CAMTA1: variants seen among roughly 807,000 people sequenced by gnomAD.
CAMTA1 encodes calmodulin binding transcription activator 1, also known as calmodulin-binding transcription activator 1.
A neutral mutation model predicts 170.9 loss-of-function variants in CAMTA1; 27 were observed. That is an observed-to-expected ratio of 0.16 (90% confidence interval 0.12 to 0.22). The LOEUF is 0.22. CAMTA1 is among the 10% of genes least tolerant of loss of function. CAMTA1 has a pLI of 1.00. For synonymous variants in CAMTA1, 833 were observed against 891.5 expected, an observed-to-expected ratio of 0.93 and a Z score of 1.17; for missense variants, 1,619 against 2,217.2, an observed-to-expected ratio of 0.73 and a Z score of 5.42.
intron 1 of CAMTA1, among the ~76,000 whole-genome samples, chr1:6,786,094 C>T (rs1329124679): frequency 6.6e-6 from 1 of 151,854 alleles, no homozygotes; most frequent in Non-Finnish European, 1.5e-5. Context: ...GCCCCCTGCT[C>T]TCCGGCGGGC....
At position 7,680,807 on chromosome 1, in the gene CAMTA1, G is replaced by GC. The variant is rs200936061; in HGVS notation, c.2914+3076dup. Among the ~76,000 whole-genome samples the GC allele has an allele frequency of 3.1e-5, 3 of 96,220 alleles. No homozygotes were observed. Among genetic ancestry groups the GC allele is most frequent in the African/African-American group, 1.1e-4 (3 of 26,146 alleles). 63.1% of individuals were successfully genotyped at this position (96,220 alleles called of 152,430 possible). On this transcript the variant is annotated intron_variant, in intron 11 of 22. Transcript: ENST00000303635. This position sits in a 1 kb window ranked among gnomAD's most constrained non-coding sequence, Gnocchi z 4.4. ...CATGAATTTGTTTGCTTGGCTAAAGGCCGGGGGGGGGCGTGGGTCCGGGGC... is the reference window on the plus strand; with the variant it reads ...CATGAATTTGTTTGCTTGGCTAAAGGCCCGGGGGGGGGCGTGGGTCCGGGGC...
At chr1:7,525,788 C>G (rs554755368) in intron 6 of CAMTA1, among the ~76,000 whole-genome samples, 3 of 152,142 alleles carry the variant, frequency 2.0e-5, no homozygotes, top group South Asian at 2.1e-4. Context: ...ACTCCTTCCA[C>G]GAGCATCTAC....
At chr1:7,530,224 G>T (rs1027181956) in intron 6 of CAMTA1, among the ~76,000 whole-genome samples, 1 of 152,228 alleles carries the variant, frequency 6.6e-6, no homozygotes, top group Admixed American at 6.5e-5. Context: ...TCAGGCTACA[G>T]CTGGCCCCAG....
chr1:6,992,942 A>G (rs1377316257), intron 3 of CAMTA1, among the ~76,000 whole-genome samples: 4 of 152,256 alleles, frequency 2.6e-5, no homozygotes, highest in East Asian at 1.9e-4. Flanking sequence ...GTTATTTTCC[A>G]TAGTGATGTC....
At chr1:7,477,905 C>A (rs1039036849) in intron 6 of CAMTA1, among the ~76,000 whole-genome samples, 3 of 152,232 alleles carry the variant, frequency 2.0e-5, no homozygotes, top group Admixed American at 6.5e-5. Context: ...GAAAGTCTTC[C>A]TCCTGGCCAC....
At chr1:7,422,128 T>C (rs1313999575) in intron 5 of CAMTA1, among the ~76,000 whole-genome samples, 1 of 151,030 alleles carries the variant, frequency 6.6e-6, no homozygotes, top group African/African-American at 2.4e-5. Flanking sequence ...AGGGGCAGAG[T>C]GGGAGCTGGA....
intron 5 of CAMTA1, among the ~76,000 whole-genome samples, chr1:7,280,430 CT>C (rs1671343391): frequency 1.3e-5 from 2 of 152,210 alleles, no homozygotes; most frequent in Non-Finnish European, 2.9e-5. Flanking sequence ...AGTCTATGAC[CT>C]TAAGAAGAGG....
intron 4 of CAMTA1, among the ~76,000 whole-genome samples, chr1:7,102,023 A>AACACACACACAC (rs57209159): frequency 1.3e-4 from 20 of 148,810 alleles, no homozygotes; most frequent in Non-Finnish European, 2.7e-4. Flanking sequence ...ATAAATACAC[A>AACACACACACAC]ACACACACAC....
At chr1:7,136,246 A>G (rs936597330) in intron 4 of CAMTA1, among the ~76,000 whole-genome samples, 1 of 152,196 alleles carries the variant, frequency 6.6e-6, no homozygotes, top group Non-Finnish European at 1.5e-5. Flanking sequence ...ACAAATCAGA[A>G]GGGAATTTCT....
At chr1:7,129,921 G>T (rs1573306503) in intron 4 of CAMTA1, among the ~76,000 whole-genome samples, 1 of 20,418 alleles carries the variant, frequency 4.9e-5, no homozygotes, top group Non-Finnish European at 1.0e-4. Flanking sequence ...ACCTTCTTTT[G>T]TGTGTGTGTG....
chr1:7,437,134 C>G (rs988458249), intron 5 of CAMTA1, among the ~76,000 whole-genome samples: 13 of 152,272 alleles, frequency 8.5e-5, no homozygotes, highest in Middle Eastern at 6.8e-3. Flanking sequence ...AGCAGAGGCC[C>G]TTCCCAGCCC....
rs1558016535 is a variant in CAMTA1 at position 7,044,409 on chromosome 1, C to T, written c.235-46895C>T. Among the ~76,000 whole-genome samples the T allele has an allele frequency of 6.6e-6, 1 of 152,162 alleles. No individual in the cohort carries two copies. The highest frequency in any genetic ancestry group is 2.4e-5 in the African/African-American group (1 of 41,440). ...AGTACTGCTGGGGACGCCGAGGACG[C>T]AGAGCCGTGCCACTGGGGACCCCGG... On this transcript the variant is annotated intron_variant, in intron 3 of 22. Coordinates refer to ENST00000303635, the MANE Select transcript of CAMTA1 (RefSeq NM_015215.4). This position sits in a 1 kb window ranked among gnomAD's most constrained non-coding sequence, Gnocchi z 5.0.
chr1:7,312,763 A>AT (rs1676928315), intron 5 of CAMTA1, among the ~76,000 whole-genome samples: 1 of 151,448 alleles, frequency 6.6e-6, no homozygotes, highest in African/African-American at 2.4e-5. Flanking sequence ...TTATTTATTT[A>AT]TTTTTTCCAC....
intron 4 of CAMTA1, among the ~76,000 whole-genome samples, chr1:7,179,090 C>A (rs1054530071): frequency 2.6e-5 from 4 of 152,182 alleles, no homozygotes; most frequent in African/African-American, 7.2e-5. Context: ...TCTCTGTGCC[C>A]CTCTGTGGTC....
intron 3 of CAMTA1, among the ~76,000 whole-genome samples, chr1:6,991,593 G>C (rs1696377436): frequency 6.6e-6 from 1 of 152,132 alleles, no homozygotes; most frequent in Non-Finnish European, 1.5e-5. Flanking sequence ...GGGGCTTGTA[G>C]TTTATATATT....
intron 6 of CAMTA1, among the ~76,000 whole-genome samples, chr1:7,479,933 G>GTGTGAA (rs1173210428): frequency 1.9e-5 from 2 of 102,588 alleles, no homozygotes; most frequent in African/African-American, 9.5e-5. Context: ...ATGTGTATAT[G>GTGTGAA]TGTGTATGAG....
rs2095707731 is a variant in CAMTA1, at chr1:7,635,777, GA to G, written c.511-4622del. 6.6e-6 allele frequency among the ~76,000 whole-genome samples: 1 copy of G among 152,148 alleles called. No homozygotes were observed. Among genetic ancestry groups the G allele is most frequent in the Non-Finnish European group, 1.5e-5 (1 of 68,036 alleles). ...TCAGCAAGGACTCTGACACCGTTAT[GA>G]GCACTCCATGAAACTGATACATTAG... is the stretch of plus-strand genomic sequence containing the variant. On this transcript the variant is annotated intron_variant, in intron 6 of 22. Transcript: ENST00000303635. The surrounding 1 kb of genome is among the most constrained non-coding windows in gnomAD (Gnocchi z 4.4).
intron 3 of CAMTA1, among the ~76,000 whole-genome samples, chr1:7,045,934 T>G (rs1355355860): frequency 2.6e-5 from 4 of 152,224 alleles, no homozygotes; most frequent in African/African-American, 9.6e-5. Flanking sequence ...AGTGATGCAC[T>G]GAAGAAAATA....
intron 6 of CAMTA1, among the ~76,000 whole-genome samples, chr1:7,503,870 C>G (rs1269700390): frequency 6.6e-6 from 1 of 152,200 alleles, no homozygotes; most frequent in African/African-American, 2.4e-5. Flanking sequence ...GGCTCTGAGC[C>G]ACCTCCGCTG....
Sources: allele counts gnomAD v4.1 joint callset (sites outside exome capture counted in the v4.1 genomes callset), GRCh38; gene constraint gnomAD v4.1.1; non-coding constraint Gnocchi (gnomAD v3.1); transcripts MANE v1.5; gene names NCBI Gene and HGNC (gene_info 2026-07-23, HGNC 2026-07-21).